Variants in ABCA13 observed in about 807,000 individuals in gnomAD.
The protein encoded by ABCA13 is ATP binding cassette subfamily A member 13, also known as ATP-binding cassette sub-family A member 13.
A neutral mutation model predicts 478.7 loss-of-function variants in ABCA13; 476 were observed. The ratio of observed to expected loss-of-function variants is 0.99; its 90% confidence interval spans 0.92 to 1.07. The LOEUF is 1.07. Among genes scored for constraint, ABCA13 ranks in the 50% least tolerant of loss-of-function variants. The pLI, the probability that ABCA13 is intolerant of heterozygous loss-of-function variation, is 0.00. For synonymous variants in ABCA13, 2,252 were observed against 2,158.9 expected, an observed-to-expected ratio of 1.04 and a Z score of -1.20; for missense variants, 6,060 against 5,910.6, an observed-to-expected ratio of 1.03 and a Z score of -0.83.
At chr7:48,385,903 A>G (rs1815108626) in intron 35 of ABCA13, among the ~76,000 whole-genome samples, 1 of 152,098 alleles carries the variant, frequency 6.6e-6, no homozygotes, top group African/African-American at 2.4e-5. Context: ...CATTTCTCTA[A>G]TTATCATTGA....
At chr7:48,308,246 C>T (rs1377127757) in intron 23 of ABCA13, among the ~76,000 whole-genome samples, 1 of 152,162 alleles carries the variant, frequency 6.6e-6, no homozygotes, top group Non-Finnish European at 1.5e-5. Flanking sequence ...TCCCACTGGG[C>T]GGTCTTCAGG....
intron 27 of ABCA13, 100 bp from the exon 28 acceptor site, chr7:48,335,322 C>G (rs1360431043): frequency 1.3e-6 from 1 of 759,898 alleles, no homozygotes; most frequent in Non-Finnish European, 2.0e-6. Context: ...GCAGGCAGAT[C>G]TTTGCTCTGG....
At chr7:48,453,083 A>G (rs905732320) in intron 42 of ABCA13, among the ~76,000 whole-genome samples, 6 of 152,210 alleles carry the variant, frequency 3.9e-5, no homozygotes, top group Admixed American at 1.3e-4. Flanking sequence ...TAATCTGTCT[A>G]TATGCTGACT....
At chr7:48,248,586 C>A in intron 14 of ABCA13, 142 bp downstream of exon 14, 1 of 681,788 alleles carries the variant, frequency 1.5e-6, no homozygotes, top group South Asian at 3.5e-5. Context: ...AAAATATTAA[C>A]CTACTGGTAC....
chr7:48,598,797 T>A (rs960418901), intron 58 of ABCA13, among the ~76,000 whole-genome samples: 1 of 152,064 alleles, frequency 6.6e-6, no homozygotes, highest in African/African-American at 2.4e-5. Flanking sequence ...ATCTTTTTTT[T>A]CTAAAAATTT....
chr7:48,366,775 C>T (rs545216052), intron 31 of ABCA13, among the ~76,000 whole-genome samples: 1 of 152,190 alleles, frequency 6.6e-6, no homozygotes, highest in South Asian at 2.1e-4. Context: ...ACCCCATAAC[C>T]CAAACACCTC....
intron 59 of ABCA13, among the ~76,000 whole-genome samples, chr7:48,623,750 G>A (rs1284540386): frequency 6.6e-6 from 1 of 152,162 alleles, no homozygotes; most frequent in Admixed American, 6.5e-5. Context: ...CCAGCAACTT[G>A]TACTTAGGTT....
At chr7:48,558,367 G>A (rs1786088250) in intron 55 of ABCA13, among the ~76,000 whole-genome samples, 1 of 151,218 alleles carries the variant, frequency 6.6e-6, no homozygotes, top group African/African-American at 2.4e-5. Flanking sequence ...CGCAATCTTG[G>A]CTCACTGCAA....
At chr7:48,270,204 G>A (rs891063950) in intron 16 of ABCA13, among the ~76,000 whole-genome samples, 4 of 151,938 alleles carry the variant, frequency 2.6e-5, no homozygotes, top group Non-Finnish European at 2.9e-5. Flanking sequence ...AACCTGGGTC[G>A]TCTCCTAGTC....
intron 42 of ABCA13, among the ~76,000 whole-genome samples, chr7:48,443,058 C>T (rs1016237642): frequency 6.6e-6 from 1 of 152,154 alleles, no homozygotes; most frequent in African/African-American, 2.4e-5. Context: ...TAAAAAGAGA[C>T]ACCAGGGATG....
intron 55 of ABCA13, among the ~76,000 whole-genome samples, chr7:48,532,057 G>C (rs1034396880): frequency 6.6e-6 from 1 of 152,004 alleles, no homozygotes; most frequent in Non-Finnish European, 1.5e-5. Flanking sequence ...TGCTGAAAGT[G>C]GGCATCCTTG....
intron 15 of ABCA13, among the ~76,000 whole-genome samples, chr7:48,251,473 CA>C (rs1214762265): frequency 1.3e-5 from 2 of 152,094 alleles, no homozygotes; most frequent in African/African-American, 4.8e-5. Context: ...GCATAGGTCT[CA>C]AAAGTATTAA....
At chr7:48,337,544 A>G (rs1293769356) in intron 28 of ABCA13, among the ~76,000 whole-genome samples, 1 of 152,240 alleles carries the variant, frequency 6.6e-6, no homozygotes, top group Non-Finnish European at 1.5e-5. Flanking sequence ...GAGAATTCCT[A>G]TATGGACCTC....
intron 3 of ABCA13, among the ~76,000 whole-genome samples, chr7:48,213,396 A>G (rs977643912): frequency 6.6e-6 from 1 of 152,204 alleles, no homozygotes; most frequent in Non-Finnish European, 1.5e-5. Flanking sequence ...GTGCAATAGC[A>G]TTGTCTAAAA....
intron 53 of ABCA13, 46 bp from the exon 54 acceptor site, chr7:48,524,201 TG>T: frequency 6.4e-7 from 1 of 1,553,654 alleles, no homozygotes; most frequent in Non-Finnish European, 8.8e-7. Flanking sequence ...TAGACTATTC[TG>T]GTATCATTTG....
chr7:48,312,681 G>A (rs1801953108), intron 24 of ABCA13, among the ~76,000 whole-genome samples: 1 of 152,204 alleles, frequency 6.6e-6, no homozygotes, highest in Non-Finnish European at 1.5e-5. Flanking sequence ...ATGTGTGAAT[G>A]CTATGAATAC....
At chr7:48,245,723 C>T in intron 12 of ABCA13, 111 bp downstream of exon 12, 3 of 1,428,000 alleles carry the variant, frequency 2.1e-6, no homozygotes, top group Admixed American at 2.3e-5. Flanking sequence ...AAAAAGGGAA[C>T]AATATGCAGG....
intron 55 of ABCA13, among the ~76,000 whole-genome samples, chr7:48,534,000 T>G (rs2131073800): frequency 6.6e-6 from 1 of 152,174 alleles, no homozygotes; most frequent in South Asian, 2.1e-4. Flanking sequence ...ACATTCAATG[T>G]TAGTACTATT....
intron 3 of ABCA13, among the ~76,000 whole-genome samples, chr7:48,198,908 C>T (rs1798299759): frequency 6.6e-6 from 1 of 152,090 alleles, no homozygotes; most frequent in Admixed American, 6.6e-5. Context: ...GTCAGTTGGC[C>T]TTAAACTCAA....
Sources: allele counts gnomAD v4.1 joint callset (sites outside exome capture counted in the v4.1 genomes callset), GRCh38; gene constraint gnomAD v4.1.1; transcripts MANE v1.5; gene names NCBI Gene and HGNC (gene_info 2026-07-23, HGNC 2026-07-21).